CDKN1B: variants seen among roughly 807,000 people sequenced by gnomAD.
The protein encoded by CDKN1B is cyclin-dependent kinase inhibitor 1B.
Under a neutral mutation model 17.1 loss-of-function variants are expected in CDKN1B, and 7 were observed. The observed-to-expected ratio is 0.41, with a 90% CI of 0.23 to 0.77. The LOEUF is 0.77. Among genes scored for constraint, CDKN1B ranks in the 30% least tolerant of loss-of-function variants. The pLI, the probability that CDKN1B is intolerant of heterozygous loss-of-function variation, is 0.33. For synonymous variants in CDKN1B, 149 were observed against 104.3 expected, an observed-to-expected ratio of 1.43 and a Z score of -2.61; for missense variants, 337 against 262.0, an observed-to-expected ratio of 1.29 and a Z score of -1.98.
Position 12,717,802 on chromosome 12 carries a change from G to T in CDKN1B, c.-38G>T. The stretch of plus-strand genomic sequence containing the variant: ...GTTTTGTTCGGTTTTGTTTTTTTGA[G>T]AGTGCGAGAGAGGCGGTCGTGCAGA... On this transcript the variant is annotated 5_prime_UTR_variant, in exon 1 of 3. Coordinates refer to ENST00000228872, the MANE Select transcript of CDKN1B (RefSeq NM_004064.5). The T allele has an allele frequency of 6.2e-7, 1 of 1,609,606 alleles. No individual in the cohort carries two copies.
Position 12,718,030 on chromosome 12 carries a change from T to G in CDKN1B, c.191T>G (p.Phe64Cys). Residue 64 changes from phenylalanine to cysteine, a missense_variant, in exon 1 of 3, where the codon TTT becomes TGT. Transcript: ENST00000228872. ...EASQRKWNFD[F>C]QNHKPLEGKY... ...AGCCAGCGCAAGTGGAATTTCGATTTTCAGAATCACAAACCCCTAGAGGGC... is the reference window on the plus strand; with the variant it reads ...AGCCAGCGCAAGTGGAATTTCGATTGTCAGAATCACAAACCCCTAGAGGGC... The G allele has an allele frequency of 6.2e-7, 1 of 1,614,186 alleles. No homozygotes were observed. The highest frequency in any genetic ancestry group is 8.5e-7 in the Non-Finnish European group (1 of 1,180,030).
Position 12,717,588 on chromosome 12 carries a change from C to A in CDKN1B, c.-252C>A. ...GCCACCCTCTCCGCTTGCCTGGTCC[C>A]CTCTCCTCTCCGCCCTCCCGCTCGC... On this transcript the variant is annotated 5_prime_UTR_variant, in exon 1 of 3. Transcript: ENST00000228872. The A allele has an allele frequency of 7.0e-7, 1 of 1,430,752 alleles. No homozygotes were observed. 88.6% of individuals were successfully genotyped at this position (1,430,752 alleles called of 1,614,324 possible). A position where few individuals can be genotyped will look rare whatever the true frequency, so the allele number is the denominator to read the frequency against.
intron 2 of CDKN1B, among the ~76,000 whole-genome samples, chr12:12,720,801 G>T (rs1946534731): frequency 6.6e-6 from 1 of 152,090 alleles, no homozygotes; most frequent in African/African-American, 2.4e-5. Context: ...TGTGGGGCGG[G>T]GGCAACATTG....
intron 2 of CDKN1B, among the ~76,000 whole-genome samples, chr12:12,720,109 G>A (rs1172297153): frequency 6.6e-6 from 1 of 152,094 alleles, no homozygotes; most frequent in Non-Finnish European, 1.5e-5. Flanking sequence ...ATACAAAACG[G>A]CACTATAGAA....
chr12:12,718,737 T>C, intron 1 of CDKN1B, 88 bp from the exon 2 acceptor site: 1 of 1,511,072 alleles, frequency 6.6e-7, no homozygotes, highest in East Asian at 2.3e-5. Context: ...GGGTTTTTCA[T>C]CCCCTGACTA....
rs1946477833 is a variant in CDKN1B, at chr12:12,717,544, C to G, written c.-296C>G. The G allele has an allele frequency of 1.4e-6, 2 of 1,401,104 alleles. No homozygotes were observed. Among genetic ancestry groups the G allele is most frequent in the African/African-American group, 1.4e-5 (1 of 69,096 alleles). 86.8% of individuals were successfully genotyped at this position (1,401,104 alleles called of 1,614,324 possible). ...GCGGGACCCGCGGGCTTGCACCCGC[C>G]CAGACTCGGACGGGCTTTGCCACCC... On this transcript the variant is annotated 5_prime_UTR_variant, in exon 1 of 3. Transcript: ENST00000228872.
chr12:12,717,708 CTG>C lies in CDKN1B; in HGVS notation c.-128_-127del, dbSNP rs1565419168. 2 of 1,553,296 alleles carry C rather than the reference CTG, an allele frequency of 1.3e-6. No homozygotes were observed. The highest frequency in any genetic ancestry group is 1.7e-6 in the Non-Finnish European group (2 of 1,159,248). ...AGCTCGGGCCGTGGCTCGTCGGGGT[CTG>C]TGTCTTTTGGCTCCGAGGGCAGTCG... On this transcript the variant is annotated 5_prime_UTR_variant, in exon 1 of 3. Transcript: ENST00000228872.
At position 12,717,649 on chromosome 12, in the gene CDKN1B, C is replaced by T. The variant is rs1264670004; in HGVS notation, c.-191C>T. On this transcript the variant is annotated 5_prime_UTR_variant, in exon 1 of 3. Transcript: ENST00000228872. ...GATCAGCGGAGACTCGGCGGCCGGG[C>T]CGGGGCTTCCCCGCAGCCCCTGCGC... is the stretch of plus-strand genomic sequence containing the variant. 6.1e-6 allele frequency: 9 copies of T among 1,477,110 alleles called. No homozygotes were observed. The highest frequency in any genetic ancestry group is 8.0e-6 in the Non-Finnish European group (9 of 1,122,020). 91.5% of individuals were successfully genotyped at this position (1,477,110 alleles called of 1,614,324 possible). A position where few individuals can be genotyped will look rare whatever the true frequency, so the allele number is the denominator to read the frequency against.
intron 1 of CDKN1B, 139 bp from the exon 2 acceptor site, chr12:12,718,686 C>T: frequency 2.0e-6 from 2 of 996,694 alleles, no homozygotes; most frequent in Non-Finnish European, 3.2e-6. Context: ...CCCTTAAAAG[C>T]CACTGGGGAT....
intron 2 of CDKN1B, among the ~76,000 whole-genome samples, chr12:12,720,428 T>A (rs891156448): frequency 6.6e-6 from 1 of 152,196 alleles, no homozygotes; most frequent in Non-Finnish European, 1.5e-5. Context: ...AATAAAATTT[T>A]CCTCTGGAAG....
At chr12:12,718,548 C>T (rs1946505460) in intron 1 of CDKN1B, among the ~76,000 whole-genome samples, 1 of 152,184 alleles carries the variant, frequency 6.6e-6, no homozygotes, top group Admixed American at 6.5e-5. Flanking sequence ...ATCGCGGTCC[C>T]TCTCACTAGC....
rs1239628688 is a variant in CDKN1B at position 12,717,955 on chromosome 12, A to G, written c.116A>G (p.Glu39Gly). 1 of 1,614,084 alleles carries G rather than the reference A, an allele frequency of 6.2e-7. No homozygotes were observed. The highest frequency in any genetic ancestry group is 1.3e-5 in the African/African-American group (1 of 74,932). ...CRNLFGPVDH[E>G]ELTRDLEKHC... The stretch of plus-strand genomic sequence containing the variant: ...AACCTCTTCGGCCCGGTGGACCACG[A>G]AGAGTTAACCCGGGACTTGGAGAAG... The change falls in exon 1 of 3, where the codon GAA becomes GGA. Residue 39 changes from glutamate to glycine, a missense_variant. By Grantham distance (98) the Glu-to-Gly change is moderately conservative. Transcript: ENST00000228872.
chr12:12,718,463 C>T (rs1346465614), intron 1 of CDKN1B, 149 bp downstream of exon 1: 8 of 731,452 alleles, frequency 1.1e-5, no homozygotes, highest in Admixed American at 7.2e-5. Flanking sequence ...CTACCTGGCC[C>T]ACTGCTTGTC....
chr12:12,717,903 G>T lies in CDKN1B; in HGVS notation c.64G>T (p.Glu22Ter). Reference protein sequence around the residue: ...SLERMDARQAEHPKPSACRNL... With the variant: ...SLERMDARQA ...GGAGCGGATGGACGCCAGGCAGGCGGAGCACCCCAAGCCCTCGGCCTGCAG... is the reference window on the plus strand; with the variant it reads ...GGAGCGGATGGACGCCAGGCAGGCGTAGCACCCCAAGCCCTCGGCCTGCAG... Residue 22 changes from glutamate (E) to a stop codon, truncating the protein, a stop_gained, in exon 1 of 3, where the codon GAG (glutamate) becomes TAG (stop). Transcript: ENST00000228872. LOFTEE classifies it high-confidence loss of function. 6.2e-7 allele frequency: 1 copy of T among 1,614,118 alleles called. No homozygotes were observed. The highest frequency in any genetic ancestry group is 8.5e-7 in the Non-Finnish European group (1 of 1,180,042).
At chr12:12,718,442 G>C (rs976438742) in intron 1 of CDKN1B, 128 bp downstream of exon 1, 3 of 839,696 alleles carry the variant, frequency 3.6e-6, no homozygotes, top group African/African-American at 3.4e-5. Context: ...ATTGGTCTTA[G>C]GTGTTCAGTG....
intron 1 of CDKN1B, 100 bp from the exon 2 acceptor site, chr12:12,718,725 G>C: frequency 7.4e-7 from 1 of 1,349,120 alleles, no homozygotes; most frequent in Non-Finnish European, 1.1e-6. Context: ...GGTGGAGGTA[G>C]TGGGTTTTTC....
Position 12,722,294 on chromosome 12 carries a change from A to AT in CDKN1B, c.*1273dup, listed in dbSNP as rs1946547560. 1 of 152,670 alleles carries AT rather than the reference A, an allele frequency of 6.6e-6. No homozygotes were observed. 9.5% of individuals were successfully genotyped at this position (152,670 alleles called of 1,614,324 possible). A position where few individuals can be genotyped will look rare whatever the true frequency, so the allele number is the denominator to read the frequency against. ...AAGGTTGCATACTGAGCCAAGTATA[A>AT]TTTTTTGTAATGTGTGAAAAAGATG... On this transcript the variant is annotated 3_prime_UTR_variant, in exon 3 of 3. Coordinates refer to ENST00000228872, the MANE Select transcript of CDKN1B (RefSeq NM_004064.5).
At position 12,717,654 on chromosome 12, in the gene CDKN1B, G is replaced by T. The variant is rs1404212831; in HGVS notation, c.-186G>T. ...GCGGAGACTCGGCGGCCGGGCCGGG[G>T]CTTCCCCGCAGCCCCTGCGCGCTCC... On this transcript the variant is annotated 5_prime_UTR_variant, in exon 1 of 3. Transcript: ENST00000228872. 1.3e-6 allele frequency: 2 copies of T among 1,482,588 alleles called. No homozygotes were observed. Among genetic ancestry groups the T allele is most frequent in the Non-Finnish European group, 1.8e-6 (2 of 1,124,560 alleles). 91.8% of individuals were successfully genotyped at this position (1,482,588 alleles called of 1,614,324 possible).
rs977098677 is a variant in CDKN1B at position 12,721,364 on chromosome 12, G to A, written c.*337G>A. The A allele has an allele frequency of 1.1e-5, 5 of 435,026 alleles. No individual in the cohort carries two copies. The highest frequency in any genetic ancestry group is 4.1e-5 in the African/African-American group (2 of 49,084). The allele number at this position is 435,026 out of a possible 1,614,324, so 26.9% of individuals were successfully genotyped here. On this transcript the variant is annotated 3_prime_UTR_variant, in exon 3 of 3. Coordinates refer to ENST00000228872, the MANE Select transcript of CDKN1B (RefSeq NM_004064.5). Reference sequence around the variant, plus strand: ...GGGCTGAGGAACTGACGTGGAGCGGGGTATGAAGAGCTTGCTTTGATTTAC... The same window carrying A: ...GGGCTGAGGAACTGACGTGGAGCGGAGTATGAAGAGCTTGCTTTGATTTAC...
Sources: allele counts gnomAD v4.1 joint callset (sites outside exome capture counted in the v4.1 genomes callset), GRCh38; gene constraint gnomAD v4.1.1; transcripts MANE v1.5; gene names NCBI Gene and HGNC (gene_info 2026-07-23, HGNC 2026-07-21).